NEO1: variants seen among roughly 807,000 people sequenced by gnomAD.
NEO1 encodes neogenin.
Under a neutral mutation model 159.7 loss-of-function variants are expected in NEO1, and 63 were observed. That is an observed-to-expected ratio of 0.39 (90% CI 0.32 to 0.49). The LOEUF (loss-of-function observed/expected upper bound fraction) is 0.49, where lower values mean the gene tolerates loss of function less well. Among genes scored for constraint, NEO1 ranks in the 20% least tolerant of loss-of-function variants. The probability of loss-of-function intolerance (pLI) is 0.85; values close to 1 mark genes in which losing one functional copy is unlikely to be tolerated. For missense variants in NEO1, 1,615 were observed against 1,831.0 expected, an observed-to-expected ratio of 0.88 and a Z score of 2.15; for synonymous variants, 633 against 662.0, an observed-to-expected ratio of 0.96 and a Z score of 0.67.
At chr15:73,128,110 A>G (rs1045962884) in intron 4 of NEO1, among the ~76,000 whole-genome samples, 2 of 152,294 alleles carry the variant, frequency 1.3e-5, no homozygotes, top group Non-Finnish European at 2.9e-5. Flanking sequence ...CATCCTCCCC[A>G]ATATCACCTG....
intron 8 of NEO1, among the ~76,000 whole-genome samples, chr15:73,241,457 A>G (rs964298287): frequency 1.3e-5 from 2 of 152,218 alleles, no homozygotes; most frequent in Admixed American, 6.5e-5. Flanking sequence ...CTCTTGGCCT[A>G]TAAATATTTA....
At chr15:73,227,491 AAAAC>A (rs776515325) in intron 7 of NEO1, among the ~76,000 whole-genome samples, 24 of 152,096 alleles carry the variant, frequency 1.6e-4, no homozygotes, top group African/African-American at 4.8e-4. Flanking sequence ...CTCCATCTCA[AAAAC>A]AAACAAACAA....
intron 1 of NEO1, among the ~76,000 whole-genome samples, chr15:73,065,426 A>G (rs937314122): frequency 2.0e-5 from 3 of 151,924 alleles, no homozygotes; most frequent in Admixed American, 2.0e-4. Flanking sequence ...GTCTGAAAAC[A>G]TTTGTATTTC....
intron 7 of NEO1, among the ~76,000 whole-genome samples, chr15:73,228,596 T>A (rs542021692): frequency 3.3e-5 from 5 of 152,120 alleles, no homozygotes; most frequent in Non-Finnish European, 5.9e-5. Context: ...GGGTTTTTTT[T>A]AGTGCAGAAG....
intron 5 of NEO1, among the ~76,000 whole-genome samples, chr15:73,164,469 C>A (rs941036022): frequency 2.0e-5 from 3 of 152,126 alleles, no homozygotes; most frequent in African/African-American, 7.2e-5. Flanking sequence ...CCCGCCTCAG[C>A]CTCCCAAAGT....
chr15:73,232,271 C>A (rs1458287407), intron 7 of NEO1, among the ~76,000 whole-genome samples: 1 of 152,174 alleles, frequency 6.6e-6, no homozygotes, highest in Non-Finnish European at 1.5e-5. Flanking sequence ...GGGTGTGCAA[C>A]CACAGATGTT....
Position 73,229,266 on chromosome 15 carries a change from T to TC in NEO1, c.1292-7081_1292-7080insC, listed in dbSNP as rs1329736804. Among the ~76,000 whole-genome samples the TC allele has an allele frequency of 2.0e-5, 3 of 152,202 alleles. No homozygotes were observed. The East Asian group carries it at 5.8e-4, about 29-fold the overall frequency. Reference sequence around the variant, plus strand: ...AGGTTTATTCCTGAGTATCTTAAAATTTATCCCTAGATATTTTTGTTAAAT... The same window carrying TC: ...AGGTTTATTCCTGAGTATCTTAAAATCTTATCCCTAGATATTTTTGTTAAAT... On this transcript the variant is annotated intron_variant, in intron 7 of 28. Coordinates refer to ENST00000261908, the MANE Select transcript of NEO1 (RefSeq NM_002499.4).
In NEO1 at chr15:73,260,300, C is replaced by A; in HGVS notation, c.2233C>A (p.Leu745Ile). The A allele has an allele frequency of 6.2e-7, 1 of 1,613,880 alleles. No individual in the cohort carries two copies. ...TCGTGTTCCTGAAGTGCCTAGCTCT[C>A]TTCACGTACGCCCGCTCGTTACTAG... ...ETRVPEVPSS[L>I]HVRPLVTSIV... The change falls in exon 15 of 29, where the codon CTT (leucine) becomes ATT (isoleucine). Residue 745 changes from leucine to isoleucine, a missense_variant. Leu to Ile is a conservative substitution (Grantham distance 5, BLOSUM62 2). Transcript: ENST00000261908.
intron 14 of NEO1, among the ~76,000 whole-genome samples, chr15:73,259,393 G>T (rs1416016813): frequency 9.8e-6 from 1 of 102,028 alleles, no homozygotes; most frequent in Non-Finnish European, 2.1e-5. Flanking sequence ...TTTGAAAAGG[G>T]ATCTCACACT....
chr15:73,196,465 G>A (rs1656899207), intron 7 of NEO1, among the ~76,000 whole-genome samples: 1 of 152,172 alleles, frequency 6.6e-6, no homozygotes, highest in South Asian at 2.1e-4. Context: ...GTTCCTTAGA[G>A]GAGAAACTCC....
In NEO1 at chr15:73,263,455, A is replaced by G. The variant is rs142660519; in HGVS notation, c.2399-2861A>G. 8.6e-3 allele frequency among the ~76,000 whole-genome samples: 1,303 copies of G among 152,294 alleles called. 23 individuals carry two copies. The highest frequency in any genetic ancestry group is 0.03 in the African/African-American group (1,231 of 41,562). The stretch of plus-strand genomic sequence containing the variant: ...GATGATCTACCCACCTCAGCCTTCC[A>G]AAGTGCTGGGATTACAGGCGTGAGC... On this transcript the variant is annotated intron_variant, in intron 15 of 28. Transcript: ENST00000261908.
At chr15:73,237,784 A>G (rs1392382528) in intron 8 of NEO1, among the ~76,000 whole-genome samples, 2 of 152,262 alleles carry the variant, frequency 1.3e-5, no homozygotes, top group Non-Finnish European at 2.9e-5. Context: ...CACCATTAAA[A>G]TATCTTCAAT....
chr15:73,223,844 T>C (rs1427300615), intron 7 of NEO1, among the ~76,000 whole-genome samples: 1 of 152,162 alleles, frequency 6.6e-6, no homozygotes, highest in Non-Finnish European at 1.5e-5. Context: ...TGTACCTTGG[T>C]TTTTTGTTTT....
At chr15:73,277,315 C>T (rs773570585) in intron 21 of NEO1, among the ~76,000 whole-genome samples, 1 of 152,166 alleles carries the variant, frequency 6.6e-6, no homozygotes, top group Non-Finnish European at 1.5e-5. Context: ...AAAAGGTCCT[C>T]GTATTTGCTT....
intron 5 of NEO1, among the ~76,000 whole-genome samples, chr15:73,141,043 A>G (rs1022175115): frequency 6.6e-6 from 1 of 152,168 alleles, no homozygotes; most frequent in Non-Finnish European, 1.5e-5. Flanking sequence ...TTACAATTCA[A>G]GCTGTATTGT....
At chr15:73,161,795 C>T (rs571485098) in intron 5 of NEO1, 91 of 297,820 alleles carry the variant, frequency 3.1e-4, no homozygotes, top group Middle Eastern at 1.4e-3. Context: ...TCTCCACTGC[C>T]AGAGATCTTG....
At position 73,210,856 on chromosome 15, in the gene NEO1, A is replaced by G. The variant is rs7167527; in HGVS notation, c.1292-25491A>G. 8.6e-3 allele frequency among the ~76,000 whole-genome samples: 1,308 copies of G among 152,298 alleles called. 23 individuals are homozygous for G. The highest frequency in any genetic ancestry group is 0.03 in the African/African-American group (1,236 of 41,560). ...CCCAGAAGGTTTATTTACGCACTAT[A>G]TAAGCTCATGTTTTAAGATTCTCCA... On this transcript the variant is annotated intron_variant, in intron 7 of 28. Transcript: ENST00000261908.
At chr15:73,155,200 T>G (rs889923700) in intron 5 of NEO1, among the ~76,000 whole-genome samples, 2 of 152,054 alleles carry the variant, frequency 1.3e-5, no homozygotes, top group African/African-American at 4.8e-5. Context: ...ATAAAATTCT[T>G]GGCTGATGTT....
intron 15 of NEO1, among the ~76,000 whole-genome samples, chr15:73,261,808 AAAATC>A (rs1351174651): frequency 6.6e-6 from 1 of 152,198 alleles, no homozygotes; most frequent in Non-Finnish European, 1.5e-5. Context: ...ATTTTTATGA[AAAATC>A]AAAGGAACTA....
Sources: allele counts gnomAD v4.1 joint callset (sites outside exome capture counted in the v4.1 genomes callset), GRCh38; gene constraint gnomAD v4.1.1; transcripts MANE v1.5; gene names NCBI Gene and HGNC (gene_info 2026-07-23, HGNC 2026-07-21).